Variants in RAB3GAP2 observed in about 807,000 individuals in gnomAD.
RAB3GAP2 encodes RAB3 GTPase activating non-catalytic protein subunit 2, also known as rab3 GTPase-activating protein non-catalytic subunit.
RAB3GAP2 carries 87 observed loss-of-function variants against 185.3 expected under a neutral mutation model. That is an observed-to-expected ratio of 0.47 (90% confidence interval 0.39 to 0.56). The LOEUF is 0.56. Ranked by LOEUF, RAB3GAP2 falls within the 20% of genes least tolerant of loss-of-function variation. The pLI is 0.00. For synonymous variants in RAB3GAP2, 554 were observed against 576.1 expected, an observed-to-expected ratio of 0.96 and a Z score of 0.55; for missense variants, 1,492 against 1,638.2, an observed-to-expected ratio of 0.91 and a Z score of 1.54.
rs544419288 is a variant in RAB3GAP2, at chr1:220,257,249, G to A, written c.115+14974C>T. On this transcript the variant is annotated intron_variant, in intron 1 of 34. Transcript: ENST00000358951. ...AAAAATTAGCCGGGCGTGGTGGCACGTGCCTGTAGTCCCAGCTACTTGGGA... is the reference window on the plus strand; with the variant it reads ...AAAAATTAGCCGGGCGTGGTGGCACATGCCTGTAGTCCCAGCTACTTGGGA... Among the ~76,000 whole-genome samples the A allele has an allele frequency of 1.3e-3, 200 of 151,956 alleles. 1 individual carries two copies. Among genetic ancestry groups the A allele is most frequent in the Middle Eastern group, 0.01 (3 of 294 alleles).
rs547668253 is a variant in RAB3GAP2 at position 220,210,234 on chromosome 1, C to A, written c.612+154G>T. The A allele has an allele frequency of 3.2e-5, 23 of 725,288 alleles. No individual in the cohort carries two copies. In the African/African-American group the frequency reaches 3.5e-4, roughly 11 times the overall value. The allele number at this position is 725,288 out of a possible 1,614,324, so 44.9% of individuals were successfully genotyped here. ...AGCAAGACTGGTATTCTTTACTCAGCTACAAATAGATTATATTTCTAGACT... is the reference window on the plus strand; with the variant it reads ...AGCAAGACTGGTATTCTTTACTCAGATACAAATAGATTATATTTCTAGACT... On this transcript the variant is annotated intron_variant, in intron 7 of 34. Coordinates refer to ENST00000358951, the MANE Select transcript of RAB3GAP2 (RefSeq NM_012414.4).
chr1:220,260,068 T>C (rs1311475230), intron 1 of RAB3GAP2, among the ~76,000 whole-genome samples: 2 of 152,186 alleles, frequency 1.3e-5, no homozygotes, highest in African/African-American at 4.8e-5. Context: ...AGAATGACTA[T>C]TGTTAAAAGG....
At chr1:220,218,132 TA>T (rs1326711498) in intron 2 of RAB3GAP2, among the ~76,000 whole-genome samples, 5 of 152,214 alleles carry the variant, frequency 3.3e-5, no homozygotes, top group African/African-American at 1.2e-4. Flanking sequence ...AACTTGAGAA[TA>T]AAACTTGATG....
At chr1:220,248,148 A>C (rs535222307) in intron 1 of RAB3GAP2, among the ~76,000 whole-genome samples, 1 of 152,182 alleles carries the variant, frequency 6.6e-6, no homozygotes, top group Non-Finnish European at 1.5e-5. Context: ...GAATAAAACT[A>C]TCTAGATAAA....
At chr1:220,265,391 G>A (rs1354508048) in intron 1 of RAB3GAP2, among the ~76,000 whole-genome samples, 1 of 151,988 alleles carries the variant, frequency 6.6e-6, no homozygotes, top group Admixed American at 6.6e-5. Flanking sequence ...ATGTCAATAA[G>A]AAATTATTTT....
chr1:220,159,417 C>A lies in RAB3GAP2; in HGVS notation c.3230G>T (p.Gly1077Val). Residue 1077 changes from glycine to valine, a missense_variant, in exon 29 of 35, where the codon GGA becomes GTA. Gly to Val is a moderately radical substitution (Grantham distance 109). Around this residue, in one of 5 missense-constraint regions of RAB3GAP2, gnomAD observed 387 missense variants for 455.3 expected, o/e 0.85. Coordinates refer to ENST00000358951, the MANE Select transcript of RAB3GAP2 (RefSeq NM_012414.4). ...GCATAACCTATCTTTTGGTGATTTT[C>A]CAACCTAAAATAAAAAGATAAAATG... ...SAATYLMDKV[G>V]KSPKDRLCRR... The A allele has an allele frequency of 6.3e-7, 1 of 1,597,286 alleles. No homozygotes were observed. Among genetic ancestry groups the A allele is most frequent in the Non-Finnish European group, 8.6e-7 (1 of 1,165,724 alleles).
chr1:220,171,818 C>T, intron 23 of RAB3GAP2, 71 bp downstream of exon 23: 1 of 1,598,344 alleles, frequency 6.3e-7, no homozygotes, highest in South Asian at 1.1e-5. Context: ...CCCGAAAAAC[C>T]CCAGAAAAGG....
At chr1:220,155,799 A>G (rs2102851121) in intron 31 of RAB3GAP2, among the ~76,000 whole-genome samples, 1 of 152,266 alleles carries the variant, frequency 6.6e-6, no homozygotes, top group East Asian at 1.9e-4. Flanking sequence ...TATTGTGCTA[A>G]TCCAATTCTG....
intron 28 of RAB3GAP2, among the ~76,000 whole-genome samples, chr1:220,159,792 C>T (rs1328004579): frequency 6.6e-6 from 1 of 151,722 alleles, no homozygotes; most frequent in Non-Finnish European, 1.5e-5. Context: ...CAAGGTGGGC[C>T]GACCACTTGA....
intron 2 of RAB3GAP2, among the ~76,000 whole-genome samples, chr1:220,218,607 G>A (rs1290077275): frequency 6.6e-6 from 1 of 152,110 alleles, no homozygotes; most frequent in Non-Finnish European, 1.5e-5. Context: ...GGAGTCAGGG[G>A]AGGGATAGCA....
chr1:220,191,183 G>A lies in RAB3GAP2; in HGVS notation c.1372C>T (p.Pro458Ser), dbSNP rs1455820475. ...DFSPFGNSQG[P>S]SRVAQFLVIY... is the part of the protein sequence containing the mutation. ...ACAAGGAATTGAGCTACTCGACTTG[G>A]ACCCTGAGAATTTCCAAAGGGGGAA... The change falls in exon 14 of 35, where the codon CCA (proline) becomes TCA (serine). Residue 458 changes from proline to serine, a missense_variant. By Grantham distance (74) the Pro-to-Ser change is moderately conservative. Transcript: ENST00000358951. The A allele has an allele frequency of 6.2e-7, 1 of 1,613,902 alleles. No individual in the cohort carries two copies. Among genetic ancestry groups the A allele is most frequent in the South Asian group, 1.1e-5 (1 of 91,074 alleles).
At chr1:220,174,259 T>TAC (rs759823589) in intron 21 of RAB3GAP2, among the ~76,000 whole-genome samples, 10 of 151,654 alleles carry the variant, frequency 6.6e-5, no homozygotes, top group East Asian at 1.9e-4. Flanking sequence ...CACACATATA[T>TAC]ACACACACAC....
At chr1:220,201,390 C>G (rs117861779) in intron 9 of RAB3GAP2, among the ~76,000 whole-genome samples, 1 of 152,054 alleles carries the variant, frequency 6.6e-6, no homozygotes, top group South Asian at 2.1e-4. Context: ...TTATATAGAC[C>G]AAATTTGTCT....
chr1:220,151,878 T>A (rs1291389666), intron 33 of RAB3GAP2, 114 bp from the exon 34 acceptor site: 2 of 1,114,440 alleles, frequency 1.8e-6, no homozygotes, highest in Non-Finnish European at 2.6e-6. Flanking sequence ...TGTGGCCATT[T>A]ATCTTTTGAT....
At chr1:220,230,871 C>G (rs1378774309) in intron 2 of RAB3GAP2, among the ~76,000 whole-genome samples, 1 of 152,204 alleles carries the variant, frequency 6.6e-6, no homozygotes, top group Non-Finnish European at 1.5e-5. Flanking sequence ...TCACCTTCCT[C>G]TCATCCTTCA....
At chr1:220,162,147 T>G in intron 28 of RAB3GAP2, 51 bp downstream of exon 28, 1 of 1,306,942 alleles carries the variant, frequency 7.7e-7, no homozygotes, top group Non-Finnish European at 1.1e-6. Flanking sequence ...CTAATATTAG[T>G]CAAATAAGAG....
chr1:220,228,734 T>G (rs146114738), intron 2 of RAB3GAP2, among the ~76,000 whole-genome samples: 1 of 152,198 alleles, frequency 6.6e-6, no homozygotes, highest in African/African-American at 2.4e-5. Context: ...CAAAAATGGA[T>G]AATAAGAACA....
At chr1:220,259,252 C>G (rs1247229490) in intron 1 of RAB3GAP2, among the ~76,000 whole-genome samples, 1 of 152,008 alleles carries the variant, frequency 6.6e-6, no homozygotes, top group African/African-American at 2.4e-5. Flanking sequence ...CATATGGAAC[C>G]AAATAAGAGC....
chr1:220,164,895 T>TA, intron 26 of RAB3GAP2, 96 bp from the exon 27 acceptor site: 1 of 1,146,844 alleles, frequency 8.7e-7, no homozygotes, highest in Non-Finnish European at 1.3e-6. Context: ...AATTTCTGCA[T>TA]AAAACCACCT....
Sources: gnomAD v4.1 joint callset for allele counts (sites outside exome capture counted in the v4.1 genomes callset) on GRCh38, gnomAD v4.1.1 for gene constraint, gnomAD v4.1.1 regional missense constraint, MANE v1.5 for transcripts, NCBI Gene and HGNC (gene_info 2026-07-23, HGNC 2026-07-21) for gene names.